The following GRM8 variants were observed in gnomAD, a reference collection of about 807,000 sequenced individuals.
The protein encoded by GRM8 is glutamate metabotropic receptor 8.
In GRM8, 47 loss-of-function variants were observed where a neutral mutation model predicts 87.2. That is an observed-to-expected ratio of 0.54 (90% CI 0.43 to 0.69). The LOEUF is 0.69. GRM8 is among the 30% of genes least tolerant of loss of function. The pLI is 0.00. For synonymous variants in GRM8, 396 were observed against 404.5 expected, an observed-to-expected ratio of 0.98 and a Z score of 0.25; for missense variants, 1,019 against 1,139.2, an observed-to-expected ratio of 0.89 and a Z score of 1.52.
chr7:126,445,006 A>G lies in GRM8; in HGVS notation c.2677+1120T>C, dbSNP rs541847040. The stretch of plus-strand genomic sequence containing the variant: ...ACAAAACAAACAAACAAACAAACAA[A>G]CAAACAAAATTAGCTGGGCATGACA... On this transcript the variant is annotated intron_variant, in intron 10 of 10. Transcript: ENST00000339582. 7.9e-5 allele frequency among the ~76,000 whole-genome samples: 12 copies of G among 151,810 alleles called. No individual in the cohort carries two copies. In the East Asian group the frequency reaches 2.3e-3, roughly 30 times the overall value.
rs79415799 is a variant in GRM8, at chr7:126,722,602, G to A, written c.1357+47263C>T. ...CTTGAAGATAATTTTCCAACTCTCT[G>A]CTACTGCTTATATTTTGAGCAGCTA... On this transcript the variant is annotated intron_variant, in intron 7 of 10. Transcript: ENST00000339582. Among the ~76,000 whole-genome samples, 636 of 152,040 alleles carry A rather than the reference G, an allele frequency of 4.2e-3. 8 individuals are homozygous for A. The highest frequency in any genetic ancestry group is 0.036 in the South Asian group (173 of 4,814).
intron 7 of GRM8, among the ~76,000 whole-genome samples, chr7:126,687,631 A>G (rs762879921): frequency 6.7e-6 from 1 of 150,284 alleles, no homozygotes; most frequent in African/African-American, 2.5e-5. Flanking sequence ...TTGGTAGATC[A>G]TCTGGTATGC....
intron 8 of GRM8, among the ~76,000 whole-genome samples, chr7:126,537,415 T>C (rs2150879570): frequency 6.6e-6 from 1 of 152,244 alleles, no homozygotes; most frequent in East Asian, 1.9e-4. Flanking sequence ...TGAACAAGGA[T>C]CTTACAAATA....
intron 7 of GRM8, among the ~76,000 whole-genome samples, chr7:126,624,326 C>G (rs1268572973): frequency 1.3e-5 from 2 of 152,124 alleles, no homozygotes; most frequent in Non-Finnish European, 1.5e-5. Context: ...GAAGGTTGCT[C>G]TCTCTCAGGG....
chr7:126,843,833 G>T (rs545048030), intron 6 of GRM8, among the ~76,000 whole-genome samples: 81 of 152,282 alleles, frequency 5.3e-4, no homozygotes, highest in African/African-American at 1.9e-3. Context: ...ATTCAAGACA[G>T]CACAGATAAA....
chr7:126,741,150 G>A (rs1316144806), intron 7 of GRM8, among the ~76,000 whole-genome samples: 1 of 152,004 alleles, frequency 6.6e-6, no homozygotes, highest in Non-Finnish European at 1.5e-5. Flanking sequence ...CTTCTGGTCT[G>A]ACTCCACCAA....
chr7:126,919,570 A>C (rs1415882475), intron 3 of GRM8, among the ~76,000 whole-genome samples: 1 of 151,956 alleles, frequency 6.6e-6, no homozygotes, highest in Non-Finnish European at 1.5e-5. Context: ...GGATCTGATG[A>C]CCAGTTCATT....
At chr7:127,155,207 C>T (rs1792645926) in intron 2 of GRM8, among the ~76,000 whole-genome samples, 1 of 152,166 alleles carries the variant, frequency 6.6e-6, no homozygotes, top group Non-Finnish European at 1.5e-5. Context: ...GCCCACCCCA[C>T]ACTTACTCAC....
At chr7:127,204,476 G>T (rs1795792918) in intron 2 of GRM8, among the ~76,000 whole-genome samples, 1 of 152,116 alleles carries the variant, frequency 6.6e-6, no homozygotes, top group African/African-American at 2.4e-5. Context: ...TGTTCAGAGG[G>T]TGATAAACAG....
chr7:127,120,641 A>G (rs1277426424), intron 2 of GRM8, among the ~76,000 whole-genome samples: 1 of 152,236 alleles, frequency 6.6e-6, no homozygotes, highest in Non-Finnish European at 1.5e-5. Flanking sequence ...AAATTTTTCC[A>G]TATCATGCTC....
intron 9 of GRM8, among the ~76,000 whole-genome samples, chr7:126,528,221 A>G (rs1025446528): frequency 6.6e-6 from 1 of 150,962 alleles, no homozygotes; most frequent in Non-Finnish European, 1.5e-5. Context: ...AAACAACGAC[A>G]ACAACAACAA....
chr7:126,894,119 T>C (rs1801318085), intron 6 of GRM8, among the ~76,000 whole-genome samples: 1 of 152,112 alleles, frequency 6.6e-6, no homozygotes, highest in African/African-American at 2.4e-5. Context: ...TTTCCTGATA[T>C]TGAATCATCT....
At chr7:127,026,640 A>T (rs1310553922) in intron 3 of GRM8, among the ~76,000 whole-genome samples, 2 of 152,172 alleles carry the variant, frequency 1.3e-5, no homozygotes, top group African/African-American at 2.4e-5. Context: ...GGCTGCATAA[A>T]TGTCTTCTTT....
chr7:127,140,205 T>C lies in GRM8; in HGVS notation c.511-33493A>G, dbSNP rs1828184734. Among the ~76,000 whole-genome samples, 2 of 152,130 alleles carry C rather than the reference T, an allele frequency of 1.3e-5. 1 individual carries two copies. Among genetic ancestry groups the C allele is most frequent in the Admixed American group, 1.3e-4 (2 of 15,280 alleles). On this transcript the variant is annotated intron_variant, in intron 2 of 10. Coordinates refer to ENST00000339582, the MANE Select transcript of GRM8 (RefSeq NM_000845.3). ...TCTCAGCACTATTGACATCTTAGAC[T>C]GGTTAATTCTTTGATGTGAAGGGCC... is the stretch of plus-strand genomic sequence containing the variant.
At chr7:126,652,339 G>A (rs1803996564) in intron 7 of GRM8, among the ~76,000 whole-genome samples, 1 of 152,116 alleles carries the variant, frequency 6.6e-6, no homozygotes, top group African/African-American at 2.4e-5. Flanking sequence ...AGATGCGTAT[G>A]GGTTCAAGTC....
At chr7:126,440,623 A>T (rs937892885) in intron 10 of GRM8, among the ~76,000 whole-genome samples, 1 of 152,044 alleles carries the variant, frequency 6.6e-6, no homozygotes, top group Non-Finnish European at 1.5e-5. Flanking sequence ...TAGATATACA[A>T]ATATCATTGC....
At chr7:126,614,659 C>T (rs892021686) in intron 7 of GRM8, among the ~76,000 whole-genome samples, 1 of 152,176 alleles carries the variant, frequency 6.6e-6, no homozygotes, top group African/African-American at 2.4e-5. Flanking sequence ...CTAGAATAAC[C>T]AGTGTAGAGA....
intron 9 of GRM8, among the ~76,000 whole-genome samples, chr7:126,472,934 T>C (rs1388186040): frequency 6.6e-6 from 1 of 152,180 alleles, no homozygotes; most frequent in Non-Finnish European, 1.5e-5. Context: ...AGCCTGTGGG[T>C]GCATAAAAGT....
chr7:127,162,235 C>T (rs1793162011), intron 2 of GRM8, among the ~76,000 whole-genome samples: 1 of 152,218 alleles, frequency 6.6e-6, no homozygotes, highest in Non-Finnish European at 1.5e-5. Context: ...CAGGTGGGAT[C>T]TGTGGTTTGG....
Sources: allele counts gnomAD v4.1 joint callset (sites outside exome capture counted in the v4.1 genomes callset), GRCh38; gene constraint gnomAD v4.1.1; transcripts MANE v1.5; gene names NCBI Gene and HGNC (gene_info 2026-07-23, HGNC 2026-07-21).